UBE2V2: variants seen among roughly 807,000 people sequenced by gnomAD.
UBE2V2 encodes the protein ubiquitin conjugating enzyme E2 V2.
Under a neutral mutation model 17.2 loss-of-function variants are expected in UBE2V2, and 9 were observed. That is an observed-to-expected ratio of 0.52 (90% CI 0.32 to 0.91). The LOEUF is 0.91. Among genes scored for constraint, UBE2V2 ranks in the 40% least tolerant of loss-of-function variants. The pLI is 0.04. For synonymous variants in UBE2V2, 61 were observed against 57.5 expected (o/e 1.06, Z -0.28); for missense variants, 133 against 182.6 (o/e 0.73, Z 1.56).
chr8:48,056,889 A>T (rs1188967889), intron 3 of UBE2V2, among the ~76,000 whole-genome samples: 1 of 150,660 alleles, frequency 6.6e-6, no homozygotes, highest in Non-Finnish European at 1.5e-5. Context: ...ACGCCTGGCT[A>T]ATTTTTTGTA....
intron 3 of UBE2V2, among the ~76,000 whole-genome samples, chr8:48,060,043 G>A (rs1028886364): frequency 4.6e-5 from 7 of 151,280 alleles, no homozygotes; most frequent in South Asian, 2.1e-4. Flanking sequence ...CTGTCTCTAC[G>A]AAAAATAGAA....
At chr8:48,001,919 A>G in the UBE2V2 span, among the ~76,000 whole-genome samples, 1 of 152,148 alleles carries the variant, frequency 6.6e-6, no homozygotes, top group Non-Finnish European at 1.5e-5. Flanking sequence ...GTGAAACCCC[A>G]TCTCTACTAA....
At chr8:48,013,481 T>A (rs2091247440) in intron 1 of UBE2V2, among the ~76,000 whole-genome samples, 1 of 152,000 alleles carries the variant, frequency 6.6e-6, no homozygotes, top group Non-Finnish European at 1.5e-5. Flanking sequence ...TTAATTTTTT[T>A]TGTATTTTTA....
chr8:48,017,139 T>TA (rs973470776), intron 1 of UBE2V2, among the ~76,000 whole-genome samples: 1 of 152,130 alleles, frequency 6.6e-6, no homozygotes. Flanking sequence ...AGTGAGGTGA[T>TA]ACCTCATGTG....
intron 1 of UBE2V2, among the ~76,000 whole-genome samples, chr8:48,033,576 T>G (rs2091399288): frequency 6.6e-6 from 1 of 152,162 alleles, no homozygotes; most frequent in South Asian, 2.1e-4. Flanking sequence ...GTTACTATAG[T>G]GAGTCAAATT....
In UBE2V2 at chr8:48,052,047, G is replaced by A. The variant is rs11988251; in HGVS notation, c.291+2069G>A. On this transcript the variant is annotated intron_variant, in intron 3 of 3. Coordinates refer to ENST00000523111, the MANE Select transcript of UBE2V2 (RefSeq NM_003350.3). The stretch of plus-strand genomic sequence containing the variant: ...GTTTAAACAGATCATCTTATTTGGT[G>A]GTTTCTATTTTTCTACATGTTTCTT... 3.1e-3 allele frequency among the ~76,000 whole-genome samples: 473 copies of A among 152,178 alleles called. 3 individuals carry two copies. Among genetic ancestry groups the A allele is most frequent in the African/African-American group, 0.011 (449 of 41,502 alleles).
chr8:48,006,687 AACC>A (rs1336387409), upstream of UBE2V2, among the ~76,000 whole-genome samples: 4 of 152,242 alleles, frequency 2.6e-5, no homozygotes, highest in Middle Eastern at 3.4e-3. Context: ...CAATGACAAA[AACC>A]ACATGATTAT....
intron 1 of UBE2V2, among the ~76,000 whole-genome samples, chr8:48,037,294 T>TC (rs1394431191): frequency 6.6e-6 from 1 of 152,250 alleles, no homozygotes; most frequent in African/African-American, 2.4e-5. Context: ...AGAAATAATG[T>TC]GTTTCAGCAG....
chr8:48,047,747 C>T (rs2091509252), intron 2 of UBE2V2, among the ~76,000 whole-genome samples: 1 of 151,878 alleles, frequency 6.6e-6, no homozygotes, highest in Admixed American at 6.6e-5. Context: ...GGGGTTTCAC[C>T]ATGTTGGCCA....
intron 3 of UBE2V2, among the ~76,000 whole-genome samples, chr8:48,058,014 C>G (rs547141271): frequency 1.3e-5 from 2 of 152,226 alleles, no homozygotes; most frequent in African/African-American, 4.8e-5. Flanking sequence ...TAGAACCTCT[C>G]CAGTACAATG....
chr8:48,031,821 A>G (rs1380494144), intron 1 of UBE2V2, among the ~76,000 whole-genome samples: 1 of 151,914 alleles, frequency 6.6e-6, no homozygotes, highest in East Asian at 1.9e-4. Flanking sequence ...AATTTTTTGT[A>G]TTTTTAGTAG....
chr8:48,042,988 A>G, intron 1 of UBE2V2, 45 bp from the exon 2 acceptor site: 1 of 1,383,288 alleles, frequency 7.2e-7, no homozygotes, highest in Non-Finnish European at 9.5e-7. Context: ...TGTAGCTCTT[A>G]TAATTATGAG....
intron 1 of UBE2V2, among the ~76,000 whole-genome samples, chr8:48,025,173 A>G (rs977396986): frequency 5.9e-5 from 9 of 151,852 alleles, no homozygotes; most frequent in African/African-American, 2.2e-4. Context: ...CCTGACCCTC[A>G]TGATCTGCCT....
At chr8:48,037,539 T>C (rs1479061077) in intron 1 of UBE2V2, among the ~76,000 whole-genome samples, 1 of 152,228 alleles carries the variant, frequency 6.6e-6, no homozygotes, top group Non-Finnish European at 1.5e-5. Flanking sequence ...GTTAGGTTCT[T>C]AGTAGAGCAA....
intron 2 of UBE2V2, chr8:48,043,484 A>C: frequency 5.4e-6 from 1 of 184,688 alleles, no homozygotes; most frequent in Non-Finnish European, 1.1e-5. Flanking sequence ...GGACTTTAGA[A>C]TATGTTTCTT....
intron 1 of UBE2V2, among the ~76,000 whole-genome samples, chr8:48,041,241 G>A (rs1264842063): frequency 6.7e-6 from 1 of 149,418 alleles, no homozygotes; most frequent in African/African-American, 2.5e-5. Flanking sequence ...GTGCGATCTC[G>A]GCTCACTGCA....
chr8:48,058,550 C>G (rs2091588083), intron 3 of UBE2V2, among the ~76,000 whole-genome samples: 1 of 147,152 alleles, frequency 6.8e-6, no homozygotes, highest in South Asian at 2.1e-4. Flanking sequence ...GCACTCTAGC[C>G]TGGGCAACGA....
intron 1 of UBE2V2, among the ~76,000 whole-genome samples, chr8:48,041,293 C>G (rs575944294): frequency 1.4e-4 from 21 of 151,632 alleles, no homozygotes; most frequent in African/African-American, 4.6e-4. Context: ...ACCAGTCTGG[C>G]CAACACGGTG....
chr8:48,063,215 T>G lies in UBE2V2; in HGVS notation c.*2387T>G, dbSNP rs1160872999. ...TATAATGTTCATTTCCCCTCTTGTT[T>G]GTGGGATTATGGATCTCTGCAGAAA... On this transcript the variant is annotated 3_prime_UTR_variant, in exon 4 of 4. Coordinates refer to ENST00000523111, the MANE Select transcript of UBE2V2 (RefSeq NM_003350.3). 1 of 152,238 alleles carries G rather than the reference T, an allele frequency of 6.6e-6. No individual in the cohort carries two copies. The highest frequency in any genetic ancestry group is 6.5e-5 in the Admixed American group (1 of 15,276). The allele number at this position is 152,238 out of a possible 1,614,324, so 9.4% of individuals were successfully genotyped here. A position where few individuals can be genotyped will look rare whatever the true frequency, so the allele number is the denominator to read the frequency against.
Sources: gnomAD v4.1 joint callset for allele counts (sites outside exome capture counted in the v4.1 genomes callset) on GRCh38, gnomAD v4.1.1 for gene constraint, MANE v1.5 for transcripts, NCBI Gene and HGNC (gene_info 2026-07-23, HGNC 2026-07-21) for gene names.